The following C6 variants were observed in gnomAD, a reference collection of about 807,000 sequenced individuals.
The protein encoded by C6 is complement C6, also known as complement component C6.
Under a neutral mutation model 112.9 loss-of-function variants are expected in C6, and 101 were observed. The ratio of observed to expected loss-of-function variants is 0.89; its 90% CI spans 0.76 to 1.06. C6 has a LOEUF of 1.06. Ranked by LOEUF, C6 falls within the 50% of genes least tolerant of loss-of-function variation. The pLI is 0.00. For synonymous variants in C6, 431 were observed against 384.1 expected, an observed-to-expected ratio of 1.12 and a Z score of -1.43; for missense variants, 1,202 against 1,104.6, an observed-to-expected ratio of 1.09 and a Z score of -1.25.
At position 41,163,343 on chromosome 5, in the gene C6, C is replaced by T. The variant is rs115714912; in HGVS notation, c.1292-1484G>A. Reference sequence around the variant, plus strand: ...TTTTTTTTTTTTGAGATAGAGGTCTCGCTCTGCCGCCCAGGCTGGAATGCA... The same window carrying T: ...TTTTTTTTTTTTGAGATAGAGGTCTTGCTCTGCCGCCCAGGCTGGAATGCA... On this transcript the variant is annotated intron_variant, in intron 9 of 17. Coordinates refer to ENST00000337836, the MANE Select transcript of C6 (RefSeq NM_000065.5). Among the ~76,000 whole-genome samples, 189 of 139,530 alleles carry T rather than the reference C, an allele frequency of 1.4e-3. 1 individual carries two copies. Among genetic ancestry groups the T allele is most frequent in the African/African-American group, 4.8e-3 (182 of 38,188 alleles). The allele number at this position is 139,530 out of a possible 152,430, so 91.5% of individuals were successfully genotyped here. A position where few individuals can be genotyped will look rare whatever the true frequency, so the allele number is the denominator to read the frequency against.
intron 1 of C6, among the ~76,000 whole-genome samples, chr5:41,209,572 C>G (rs370019291): frequency 6.6e-6 from 1 of 151,894 alleles, no homozygotes; most frequent in South Asian, 2.1e-4. Flanking sequence ...TCCTATATAC[C>G]CATAATAGAC....
intron 4 of C6, among the ~76,000 whole-genome samples, chr5:41,198,257 G>T (rs7443441): frequency 3.3e-5 from 5 of 152,130 alleles, no homozygotes; most frequent in African/African-American, 1.2e-4. Context: ...TGTTAATTGA[G>T]AGCCAAGTAT....
At chr5:41,195,490 T>C (rs1253414415) in intron 5 of C6, among the ~76,000 whole-genome samples, 2 of 152,190 alleles carry the variant, frequency 1.3e-5, no homozygotes, top group Non-Finnish European at 2.9e-5. Context: ...CTTAGACCAG[T>C]CTGCTCTAAT....
intron 1 of C6, among the ~76,000 whole-genome samples, chr5:41,249,817 G>T (rs1715611991): frequency 6.6e-6 from 1 of 152,088 alleles, no homozygotes; most frequent in Admixed American, 6.6e-5. Flanking sequence ...GCTCATTTCA[G>T]ATCTAATCCA....
intron 9 of C6, among the ~76,000 whole-genome samples, chr5:41,168,780 A>G (rs1748187308): frequency 6.6e-6 from 1 of 152,134 alleles, no homozygotes; most frequent in Non-Finnish European, 1.5e-5. Flanking sequence ...TTGATAAATA[A>G]AGTTTATATT....
chr5:41,154,927 T>C, intron 14 of C6, 45 bp downstream of exon 14: 3 of 1,598,838 alleles, frequency 1.9e-6, no homozygotes, highest in South Asian at 1.1e-5. Flanking sequence ...TTGGGCACAT[T>C]CATTCTGTAA....
intron 9 of C6, among the ~76,000 whole-genome samples, chr5:41,169,823 T>C (rs1254205827): frequency 2.0e-5 from 3 of 152,122 alleles, no homozygotes; most frequent in South Asian, 2.1e-4. Flanking sequence ...TCCTCCAACA[T>C]TGGGGATTAC....
At chr5:41,227,806 C>G (rs1015624932) in intron 1 of C6, among the ~76,000 whole-genome samples, 1 of 152,084 alleles carries the variant, frequency 6.6e-6, no homozygotes, top group African/African-American at 2.4e-5. Context: ...TCTAGGTTCT[C>G]TATTTTGTCC....
chr5:41,152,289 T>C (rs968998765), intron 15 of C6, among the ~76,000 whole-genome samples: 3 of 150,228 alleles, frequency 2.0e-5, no homozygotes, highest in East Asian at 2.0e-4. Context: ...GGGATGAAAA[T>C]AGAGGGAGTG....
At chr5:41,234,905 C>T (rs1021318327) in intron 1 of C6, among the ~76,000 whole-genome samples, 4 of 152,048 alleles carry the variant, frequency 2.6e-5, no homozygotes, top group African/African-American at 7.2e-5. Context: ...TAATTCCTTA[C>T]TAATGAGACT....
At chr5:41,224,072 ATATT>A (rs1423202473) in intron 1 of C6, among the ~76,000 whole-genome samples, 4 of 152,208 alleles carry the variant, frequency 2.6e-5, no homozygotes, top group Non-Finnish European at 5.9e-5. Context: ...ATGTTTGTCT[ATATT>A]TAAAGTGCAC....
intron 1 of C6, among the ~76,000 whole-genome samples, chr5:41,242,574 G>C (rs1023207393): frequency 2.0e-5 from 3 of 152,136 alleles, no homozygotes; most frequent in African/African-American, 7.2e-5. Flanking sequence ...TTTCTCTGTA[G>C]TTAGCACACA....
At chr5:41,181,266 C>A (rs1561136455) in intron 7 of C6, 93 bp downstream of exon 7, 2 of 1,149,432 alleles carry the variant, frequency 1.7e-6, no homozygotes. Flanking sequence ...CATACTGGTA[C>A]AATATCAAAA....
chr5:41,233,567 A>T (rs1055170466), intron 1 of C6, among the ~76,000 whole-genome samples: 4 of 152,138 alleles, frequency 2.6e-5, no homozygotes, highest in Admixed American at 2.6e-4. Flanking sequence ...AGATGCAGCT[A>T]TTCTCATTAC....
upstream of C6, chr5:41,213,598 C>A: frequency 1.0e-6 from 1 of 972,788 alleles, no homozygotes. Context: ...ATGATTACAC[C>A]AATCAGTAGT....
chr5:41,197,292 G>A (rs886125387), intron 4 of C6, among the ~76,000 whole-genome samples: 1 of 152,050 alleles, frequency 6.6e-6, no homozygotes, highest in Non-Finnish European at 1.5e-5. Context: ...AATCACACAG[G>A]ACTGGAAATG....
chr5:41,181,364 T>G lies in C6; in HGVS notation c.922A>C (p.Lys308Gln). 6.2e-7 allele frequency: 1 copy of G among 1,613,628 alleles called. No homozygotes were observed. Among genetic ancestry groups the G allele is most frequent in the Non-Finnish European group, 8.5e-7 (1 of 1,179,668 alleles). ...AFKQAIQASH[K>Q]KDSSFIRIHK... ...TTGGAAACCATTTTTGATACCTTTT[T>G]GTGAGAGGCTTGAATGGCTTGTTTG... is the stretch of plus-strand genomic sequence containing the variant. Residue 308 changes from lysine (K) to glutamine (Q), a missense_variant, in exon 7 of 18, where the codon AAA becomes CAA. Transcript: ENST00000337836.
chr5:41,197,909 A>T (rs1304918600), intron 4 of C6, among the ~76,000 whole-genome samples: 3 of 152,196 alleles, frequency 2.0e-5, no homozygotes, highest in African/African-American at 7.2e-5. Context: ...AGAAGTCAGC[A>T]TGCTTAGCCA....
rs1186826507 is a variant in C6 at position 41,176,450 on chromosome 5, AAGAGTG to A, written c.1168+19_1168+24del. ...ATTGCATGCTATCATACCAGTTAAA[AAGAGTG>A]AGGACTGAAGAAAGTTACCTGAGTT... On this transcript the variant is annotated intron_variant, in intron 8 of 17. Transcript: ENST00000337836. 6.2e-7 allele frequency: 1 copy of A among 1,610,884 alleles called. No homozygotes were observed. The highest frequency in any genetic ancestry group is 1.1e-5 in the South Asian group (1 of 90,894).
Sources: allele counts gnomAD v4.1 joint callset (sites outside exome capture counted in the v4.1 genomes callset), GRCh38; gene constraint gnomAD v4.1.1; transcripts MANE v1.5; gene names NCBI Gene and HGNC (gene_info 2026-07-23, HGNC 2026-07-21).